BAMBI: variants seen among roughly 807,000 people sequenced by gnomAD.
BAMBI encodes BMP and activin membrane bound inhibitor, also known as BMP and activin membrane-bound inhibitor homolog.
A neutral mutation model predicts 24.1 loss-of-function variants in BAMBI; 21 were observed. The ratio of observed to expected loss-of-function variants is 0.87; its 90% CI spans 0.62 to 1.26. BAMBI has a LOEUF of 1.26. Among genes scored for constraint, BAMBI ranks in the 50% most tolerant of loss-of-function variants. The probability of loss-of-function intolerance (pLI) is 0.00; values close to 1 mark genes in which losing one functional copy is unlikely to be tolerated. For synonymous variants in BAMBI, 156 were observed against 123.1 expected, an observed-to-expected ratio of 1.27 and a Z score of -1.77; for missense variants, 388 against 329.1, an observed-to-expected ratio of 1.18 and a Z score of -1.38.
rs924382872 is a variant in BAMBI, at chr10:28,677,555, T to A, written c.-343T>A. On this transcript the variant is annotated 5_prime_UTR_variant, in exon 1 of 3. The change creates a new upstream start codon in the 5' untranslated region. Coordinates refer to ENST00000375533, the MANE Select transcript of BAMBI (RefSeq NM_012342.3). The stretch of plus-strand genomic sequence containing the variant: ...CGGGCGGGAGCTGCGGCGGATACCC[T>A]TGCGTGCTGTGGAGACCCTACTCTC... 5.9e-6 allele frequency: 1 copy of A among 169,310 alleles called. No homozygotes were observed. The allele number at this position is 169,310 out of a possible 1,614,324, so 10.5% of individuals were successfully genotyped here. A position where few individuals can be genotyped will look rare whatever the true frequency, so the allele number is the denominator to read the frequency against.
chr10:28,682,444 CTT>C lies in BAMBI; in HGVS notation c.*46_*47del, dbSNP rs760870036. 3.3e-5 allele frequency: 51 copies of C among 1,547,468 alleles called. No homozygotes were observed. The Admixed American group carries it at 5.8e-4, about 17-fold the overall frequency. On this transcript the variant is annotated 3_prime_UTR_variant, in exon 3 of 3. Transcript: ENST00000375533. ...TACACTTACTGAACAGCTTGAAGGCCTTTTGAGTTCTGCTGGACAGGAGCACT... is the reference window on the plus strand; with the variant it reads ...TACACTTACTGAACAGCTTGAAGGCCTTGAGTTCTGCTGGACAGGAGCACT...
chr10:28,678,092 G>A (rs970395958), intron 1 of BAMBI, 119 bp downstream of exon 1: 2 of 869,480 alleles, frequency 2.3e-6, no homozygotes, highest in Non-Finnish European at 3.3e-6. Flanking sequence ...GCCGCAGGTC[G>A]CGACAAGTTG....
intron 1 of BAMBI, among the ~76,000 whole-genome samples, 196 bp downstream of exon 1, chr10:28,678,169 C>G (rs1279523700): frequency 1.3e-5 from 2 of 152,242 alleles, no homozygotes; most frequent in Non-Finnish European, 2.9e-5. Flanking sequence ...AGGGCAGGCG[C>G]TGATCAGAGG....
intron 1 of BAMBI, among the ~76,000 whole-genome samples, chr10:28,681,029 T>C (rs991600701): frequency 6.6e-6 from 1 of 152,220 alleles, no homozygotes; most frequent in Non-Finnish European, 1.5e-5. Context: ...GACTCTAAAC[T>C]CCTCAGAAAC....
intron 1 of BAMBI, 114 bp from the exon 2 acceptor site, chr10:28,681,144 A>T: frequency 9.0e-7 from 1 of 1,105,210 alleles, no homozygotes; most frequent in Non-Finnish European, 1.3e-6. Context: ...TGGAGCCCTC[A>T]GCTTGGATGA....
intron 2 of BAMBI, chr10:28,681,748 C>T (rs977522834): frequency 1.3e-6 from 1 of 754,594 alleles, no homozygotes; most frequent in Non-Finnish European, 2.1e-6. Flanking sequence ...ATAGGTTTTG[C>T]CTGTTTTTTC....
chr10:28,678,042 G>A (rs1834456041), intron 1 of BAMBI, 69 bp downstream of exon 1: 1 of 1,390,916 alleles, frequency 7.2e-7, no homozygotes, highest in Non-Finnish European at 9.6e-7. Context: ...CGGCTGCAGA[G>A]GCTTTGTTAG....
At chr10:28,679,922 C>G (rs1471524400) in intron 1 of BAMBI, among the ~76,000 whole-genome samples, 1 of 152,154 alleles carries the variant, frequency 6.6e-6, no homozygotes, top group African/African-American at 2.4e-5. Flanking sequence ...AGACCCCTAG[C>G]TTTGGACTGT....
At position 28,682,410 on chromosome 10, in the gene BAMBI, T is replaced by C; in HGVS notation, c.*9T>C. ...AGCTGGAATTCGTATGACGGAGTCT[T>C]ATCTGAACTACACTTACTGAACAGC... On this transcript the variant is annotated 3_prime_UTR_variant, in exon 3 of 3. Coordinates refer to ENST00000375533, the MANE Select transcript of BAMBI (RefSeq NM_012342.3). The C allele has an allele frequency of 6.2e-7, 1 of 1,605,352 alleles. No individual in the cohort carries two copies. Among genetic ancestry groups the C allele is most frequent in the Non-Finnish European group, 8.5e-7 (1 of 1,173,498 alleles).
In BAMBI at chr10:28,681,274, C is replaced by T. The variant is rs1834493791; in HGVS notation, c.93C>T (p.Tyr31=). 3.1e-6 allele frequency: 5 copies of T among 1,612,740 alleles called. No homozygotes were observed. Among genetic ancestry groups the T allele is most frequent in the Non-Finnish European group, 4.2e-6 (5 of 1,179,892 alleles). ...VLLTKGEIRC[Y]CDAAHCVATG... is the part of the protein sequence containing the mutation. ...TGTTTTCAGGTGAAATTCGATGCTA[C>T]TGTGATGCTGCCCACTGTGTAGCCA... is the stretch of plus-strand genomic sequence containing the variant. Residue 31 remains tyrosine (Y), a synonymous_variant, in exon 2 of 3, where the codon TAC becomes TAT. Coordinates refer to ENST00000375533, the MANE Select transcript of BAMBI (RefSeq NM_012342.3).
Position 28,677,985 on chromosome 10 carries a change from G to T in BAMBI, c.76+12G>T, listed in dbSNP as rs372471286. The T allele has an allele frequency of 7.5e-5, 113 of 1,512,830 alleles. 1 individual carries two copies. The East Asian group carries it at 1.1e-3, about 15-fold the overall frequency. 93.7% of individuals were successfully genotyped at this position (1,512,830 alleles called of 1,614,324 possible). ...GCTGCTCACCAAAGGTGGGTGCCGGGGGCGCACGGGGCCCGGGGTCCCGTC... is the reference window on the plus strand; with the variant it reads ...GCTGCTCACCAAAGGTGGGTGCCGGTGGCGCACGGGGCCCGGGGTCCCGTC... On this transcript the variant is annotated intron_variant, in intron 1 of 2. Transcript: ENST00000375533.
intron 1 of BAMBI, among the ~76,000 whole-genome samples, chr10:28,678,455 C>A (rs983132352): frequency 3.3e-5 from 5 of 152,218 alleles, no homozygotes; most frequent in African/African-American, 1.2e-4. Flanking sequence ...GTCTGAACCT[C>A]TGTATCACTC....
chr10:28,681,144 A>G, intron 1 of BAMBI, 114 bp from the exon 2 acceptor site: 1 of 1,105,210 alleles, frequency 9.0e-7, no homozygotes. Flanking sequence ...TGGAGCCCTC[A>G]GCTTGGATGA....
Position 28,678,743 on chromosome 10 carries a change from G to T in BAMBI, c.76+770G>T, listed in dbSNP as rs1035264409. Among the ~76,000 whole-genome samples, 57 of 150,138 alleles carry T rather than the reference G, an allele frequency of 3.8e-4. 2 individuals are homozygous for T. The highest frequency in any genetic ancestry group is 1.5e-5 in the Non-Finnish European group (1 of 67,852). On this transcript the variant is annotated intron_variant, in intron 1 of 2. Transcript: ENST00000375533. ...CGAGGTGTGCAGAAGTGTGTGTTGT[G>T]TTGCTTTTCAGCAGCCGGGAGGAGT...
In BAMBI at chr10:28,682,172, A is replaced by G. The variant is rs146161229; in HGVS notation, c.554A>G (p.Asp185Gly). Residue 185 changes from aspartate (D) to glycine (G), a missense_variant, in exon 3 of 3, where the codon GAT becomes GGT. Asp to Gly is a moderately conservative substitution (Grantham distance 94, BLOSUM62 -1). Transcript: ENST00000375533. ...CGAAGTGAAAATAAGAGGCTGCAGG[A>G]TCAGCGGCAACAGATGCTCTCCCGT... ...MLRSENKRLQ[D>G]QRQQMLSRLH... The G allele has an allele frequency of 1.2e-4, 198 of 1,614,048 alleles. No individual in the cohort carries two copies. The highest frequency in any genetic ancestry group is 1.5e-4 in the Non-Finnish European group (176 of 1,180,038).
chr10:28,682,304 G>C lies in BAMBI; in HGVS notation c.686G>C (p.Cys229Ser). The change falls in exon 3 of 3, where the codon TGT becomes TCT. Residue 229 changes from cysteine (C) to serine (S), a missense_variant. Physicochemically the swap from Cys to Ser is moderately radical, Grantham distance 112 (BLOSUM62 -1). Transcript: ENST00000375533. ...GGGCACGAGAACTGCTGTCTGACCT[G>C]TGATAAAATGAGACAAGCAGACCTC... ...VSGHENCCLT[C>S]DKMRQADLSN... The C allele has an allele frequency of 6.2e-7, 1 of 1,614,124 alleles. No individual in the cohort carries two copies.
chr10:28,677,999 C>G, intron 1 of BAMBI, 26 bp downstream of exon 1: 1 of 1,505,506 alleles, frequency 6.6e-7, no homozygotes, highest in Non-Finnish European at 8.8e-7. Context: ...GCACGGGGCC[C>G]GGGGTCCCGT....
rs1564439583 is a variant in BAMBI, at chr10:28,682,051, TC to T, written c.435del (p.Glu147SerfsTer17). ...CACCAAGGTGCAGGAGCTGACTTCT[TC>T]CAAAGAGTTGTGGTTCCGGGCAGCG... ...LITKVQELTS[S>X]KELWFRAAVI... On this transcript the variant is annotated frameshift_variant, in exon 3 of 3. Transcript: ENST00000375533. LOFTEE classifies it high-confidence loss of function. 1 of 1,614,076 alleles carries T rather than the reference TC, an allele frequency of 6.2e-7. No individual in the cohort carries two copies. The highest frequency in any genetic ancestry group is 8.5e-7 in the Non-Finnish European group (1 of 1,180,046).
At chr10:28,681,684 A>T in intron 2 of BAMBI, 139 bp downstream of exon 2, 1 of 930,092 alleles carries the variant, frequency 1.1e-6, no homozygotes, top group African/African-American at 1.6e-5. Context: ...GGATGCAAAG[A>T]TGCATCTTGA....
Sources: gnomAD v4.1 joint callset for allele counts (sites outside exome capture counted in the v4.1 genomes callset) on GRCh38, gnomAD v4.1.1 for gene constraint, MANE v1.5 for transcripts, NCBI Gene and HGNC (gene_info 2026-07-23, HGNC 2026-07-21) for gene names.